The following VPS33B variants were observed in gnomAD, a reference collection of about 807,000 sequenced individuals.
VPS33B encodes the protein VPS33B late endosome and lysosome associated, also known as vacuolar protein sorting-associated protein 33B.
VPS33B carries 80 observed loss-of-function variants against 95.3 expected under a neutral mutation model. The observed-to-expected ratio is 0.84, with a 90% CI of 0.70 to 1.01. VPS33B has a LOEUF of 1.01. Ranked by LOEUF, VPS33B falls within the 50% of genes least tolerant of loss-of-function variation. The pLI is 0.00. For missense variants in VPS33B, 715 were observed against 773.4 expected, an observed-to-expected ratio of 0.92 and a Z score of 0.90; for synonymous variants, 280 against 280.4, an observed-to-expected ratio of 1.00 and a Z score of 0.01.
chr15:91,005,638 G>A lies in VPS33B; in HGVS notation c.1030+56C>T. 1 of 1,606,228 alleles carries A rather than the reference G, an allele frequency of 6.2e-7. No individual in the cohort carries two copies. On this transcript the variant is annotated intron_variant, in intron 13 of 22. Coordinates refer to ENST00000333371, the MANE Select transcript of VPS33B (RefSeq NM_018668.5). This position sits in a 1 kb window ranked among gnomAD's most constrained non-coding sequence, Gnocchi z 6.4. The stretch of plus-strand genomic sequence containing the variant: ...TCCTCGGGAGTAATGGTCCTCTGGA[G>A]CTTTCCCCAGAGGGACACAGTCACT...
In VPS33B at chr15:90,998,901, AGCTGG is replaced by A; in HGVS notation, c.*69_*73del. ...TAGTTGGTGGACACTTGGTTATAGC[AGCTGG>A]GTGCCAGATGCCTGCATCTCACTGA... On this transcript the variant is annotated 3_prime_UTR_variant, in exon 23 of 23. Transcript: ENST00000333371. The surrounding 1 kb of genome is among the most constrained non-coding windows in gnomAD (Gnocchi z 4.8). The A allele has an allele frequency of 6.5e-7, 1 of 1,536,018 alleles. No homozygotes were observed. The highest frequency in any genetic ancestry group is 9.0e-7 in the Non-Finnish European group (1 of 1,116,552).
rs1200713143 is a variant in VPS33B, at chr15:91,010,569, C to T, written c.358-723G>A. On this transcript the variant is annotated intron_variant, in intron 5 of 22. Coordinates refer to ENST00000333371, the MANE Select transcript of VPS33B (RefSeq NM_018668.5). This position sits in a 1 kb window ranked among gnomAD's most constrained non-coding sequence, Gnocchi z 5.7. ...TGAGCTGAGATTGTGCCACTGCACT[C>T]CAGCCTGGGCAACAGAGTGAGGCCC... Among the ~76,000 whole-genome samples the T allele has an allele frequency of 6.6e-6, 1 of 152,100 alleles. No homozygotes were observed. The highest frequency in any genetic ancestry group is 1.5e-5 in the Non-Finnish European group (1 of 68,022).
rs2040400468 is a variant in VPS33B at position 91,000,352 on chromosome 15, G to A, written c.1581+138C>T. 8 of 763,100 alleles carry A rather than the reference G, an allele frequency of 1.0e-5. No individual in the cohort carries two copies. The highest frequency in any genetic ancestry group is 4.8e-5 in the Admixed American group (2 of 41,880). 47.3% of individuals were successfully genotyped at this position (763,100 alleles called of 1,614,324 possible). On this transcript the variant is annotated intron_variant, in intron 20 of 22. Coordinates refer to ENST00000333371, the MANE Select transcript of VPS33B (RefSeq NM_018668.5). The surrounding 1 kb of genome is among the most constrained non-coding windows in gnomAD (Gnocchi z 4.9). ...GTGGAGGTTGCAGTGAGCCAAGATC[G>A]TGCCACCGCACTCCAGCCTGGGTGA...
Position 91,007,671 on chromosome 15 carries a change from C to T in VPS33B, c.499-98G>A, listed in dbSNP as rs2040654780. ...AAGCCCTGGAGCAGGGTGGCAGGGC[C>T]TGGGGGATGCTTGAAAGGTTTTCAT... On this transcript the variant is annotated intron_variant, in intron 7 of 22. Transcript: ENST00000333371. This position sits in a 1 kb window ranked among gnomAD's most constrained non-coding sequence, Gnocchi z 5.3. The T allele has an allele frequency of 1.5e-6, 2 of 1,361,040 alleles. No individual in the cohort carries two copies. Among genetic ancestry groups the T allele is most frequent in the East Asian group, 2.3e-5 (1 of 43,436 alleles). 84.3% of individuals were successfully genotyped at this position (1,361,040 alleles called of 1,614,324 possible).
At position 91,022,236 on chromosome 15, in the gene VPS33B, T is replaced by C. The variant is rs770400835; in HGVS notation, c.14A>G (p.His5Arg). 4 of 1,577,146 alleles carry C rather than the reference T, an allele frequency of 2.5e-6. No individual in the cohort carries two copies. The South Asian group carries it at 4.6e-5, about 18-fold the overall frequency. MAFP[H>R]RPDAPELPDF... ...AGGCAGCTCAGGGGCGTCCGGCCGA[T>C]GGGGAAAAGCCATGGCAGCGGTCAC... Residue 5 changes from histidine to arginine, a missense_variant, in exon 1 of 23, where the codon CAT (histidine) becomes CGT (arginine). Coordinates refer to ENST00000333371, the MANE Select transcript of VPS33B (RefSeq NM_018668.5).
chr15:90,998,715 C>A lies in VPS33B; in HGVS notation c.*260G>T. 1.8e-6 allele frequency: 1 copy of A among 551,462 alleles called. No homozygotes were observed. The allele number at this position is 551,462 out of a possible 1,614,324, so 34.2% of individuals were successfully genotyped here. On this transcript the variant is annotated 3_prime_UTR_variant, in exon 23 of 23. Transcript: ENST00000333371. This position sits in a 1 kb window ranked among gnomAD's most constrained non-coding sequence, Gnocchi z 4.8. Reference sequence around the variant, plus strand: ...GGCTTTATTTACAATGACATTCAAACAGGATTTAGCAAAGGATGCCTCTTC... The same window carrying A: ...GGCTTTATTTACAATGACATTCAAAAAGGATTTAGCAAAGGATGCCTCTTC...
chr15:91,007,648 GC>G lies in VPS33B; in HGVS notation c.499-76del. ...ACCTGGAAAGTGGCTAGCCCTAGAAGCCCTGGAGCAGGGTGGCAGGGCCTGG... is the reference window on the plus strand; with the variant it reads ...ACCTGGAAAGTGGCTAGCCCTAGAAGCCTGGAGCAGGGTGGCAGGGCCTGG... On this transcript the variant is annotated intron_variant, in intron 7 of 22. Transcript: ENST00000333371. This position sits in a 1 kb window ranked among gnomAD's most constrained non-coding sequence, Gnocchi z 5.3. 2 of 1,521,892 alleles carry G rather than the reference GC, an allele frequency of 1.3e-6. No individual in the cohort carries two copies. Among genetic ancestry groups the G allele is most frequent in the South Asian group, 1.1e-5 (1 of 89,126 alleles). 94.3% of individuals were successfully genotyped at this position (1,521,892 alleles called of 1,614,324 possible).
At chr15:91,017,632 C>A (rs909996496) in intron 2 of VPS33B, among the ~76,000 whole-genome samples, 173 bp downstream of exon 2, 2 of 151,122 alleles carry the variant, frequency 1.3e-5, no homozygotes, top group East Asian at 3.9e-4. Flanking sequence ...CGTCTCCCGC[C>A]GCAAAAAAAC....
At position 91,005,094 on chromosome 15, in the gene VPS33B, C is replaced by T; in HGVS notation, c.1131G>A (p.Arg377=). 1 of 1,614,220 alleles carries T rather than the reference C, an allele frequency of 6.2e-7. No homozygotes were observed. Among genetic ancestry groups the T allele is most frequent in the Non-Finnish European group, 8.5e-7 (1 of 1,180,042 alleles). The part of the protein sequence containing the change: ...EHALLEGFNI[R]ESTSYIEEHI... ...GTTCCTCAATGTAGCTGGTGCTCTCCCGGATGTTGAACCCCTCTAGCAGTG... is the reference window on the plus strand; with the variant it reads ...GTTCCTCAATGTAGCTGGTGCTCTCTCGGATGTTGAACCCCTCTAGCAGTG... The change falls in exon 15 of 23, where the codon CGG becomes CGA. Residue 377 remains arginine (R), a synonymous_variant. Coordinates refer to ENST00000333371, the MANE Select transcript of VPS33B (RefSeq NM_018668.5). The surrounding 1 kb of genome is among the most constrained non-coding windows in gnomAD (Gnocchi z 6.4).
chr15:91,014,131 A>G (rs1161115655), intron 4 of VPS33B, among the ~76,000 whole-genome samples: 3 of 151,242 alleles, frequency 2.0e-5, no homozygotes, highest in Non-Finnish European at 4.4e-5. Flanking sequence ...AGGCAAGAGA[A>G]TCGCTTGAAC....
intron 6 of VPS33B, among the ~76,000 whole-genome samples, chr15:91,008,997 A>G (rs1487197980): frequency 2.0e-5 from 3 of 152,158 alleles, no homozygotes; most frequent in Non-Finnish European, 4.4e-5. Context: ...AGGAGGGGCC[A>G]GACTGTGCAA....
chr15:91,019,222 A>G (rs899975632), intron 1 of VPS33B, among the ~76,000 whole-genome samples: 11 of 145,384 alleles, frequency 7.6e-5, no homozygotes, highest in African/African-American at 2.8e-4. Flanking sequence ...GGGTCAAGCA[A>G]TTCTCCTGTC....
Position 91,007,635 on chromosome 15 carries a change from G to T in VPS33B, c.499-62C>A, listed in dbSNP as rs1352632240. On this transcript the variant is annotated intron_variant, in intron 7 of 22. Transcript: ENST00000333371. The surrounding 1 kb of genome is among the most constrained non-coding windows in gnomAD (Gnocchi z 5.3). ...ACCCAGTAGGACCACCTGGAAAGTGGCTAGCCCTAGAAGCCCTGGAGCAGG... is the reference window on the plus strand; with the variant it reads ...ACCCAGTAGGACCACCTGGAAAGTGTCTAGCCCTAGAAGCCCTGGAGCAGG... The T allele has an allele frequency of 2.6e-6, 4 of 1,567,594 alleles. No individual in the cohort carries two copies. Among genetic ancestry groups the T allele is most frequent in the Non-Finnish European group, 3.5e-6 (4 of 1,138,448 alleles).
chr15:91,008,049 G>T, intron 6 of VPS33B, 85 bp from the exon 7 acceptor site: 1 of 1,256,744 alleles, frequency 8.0e-7, no homozygotes. Flanking sequence ...ATATTTGAGT[G>T]CGTGCAACAA....
chr15:91,018,713 C>A lies in VPS33B; in HGVS notation c.97-828G>T, dbSNP rs1187348712. Among the ~76,000 whole-genome samples, 1 of 152,196 alleles carries A rather than the reference C, an allele frequency of 6.6e-6. No homozygotes were observed. Among genetic ancestry groups the A allele is most frequent in the African/African-American group, 2.4e-5 (1 of 41,436 alleles). ...GCCAGGGGTGCTGCTAGACATCCAA[C>A]AATGCACAGGCCAGCCCCCACCACA... On this transcript the variant is annotated intron_variant, in intron 1 of 22. Transcript: ENST00000333371. The surrounding 1 kb of genome is among the most constrained non-coding windows in gnomAD (Gnocchi z 4.7).
chr15:91,004,031 C>T (rs2040521307), intron 16 of VPS33B, among the ~76,000 whole-genome samples: 1 of 151,966 alleles, frequency 6.6e-6, no homozygotes, highest in African/African-American at 2.4e-5. Context: ...CCAGACCAGC[C>T]TGGCCAACAT....
Position 90,999,931 on chromosome 15 carries a change from C to G in VPS33B, c.1626G>C (p.Arg542=). The G allele has an allele frequency of 6.2e-7, 1 of 1,614,180 alleles. No homozygotes were observed. Among genetic ancestry groups the G allele is most frequent in the Non-Finnish European group, 8.5e-7 (1 of 1,180,042 alleles). The change falls in exon 21 of 23, where the codon CGG becomes CGC. Residue 542 remains arginine (R), a synonymous_variant. Transcript: ENST00000333371. The surrounding 1 kb of genome is among the most constrained non-coding windows in gnomAD (Gnocchi z 5.1). ...ATGCAAAGTCACTGCAGTTGAGCAGCCGTACCACCTCATCAAGGCCCTGCC... is the reference window on the plus strand; with the variant it reads ...ATGCAAAGTCACTGCAGTTGAGCAGGCGTACCACCTCATCAAGGCCCTGCC... ...RSWQGLDEVV[R]LLNCSDFAFT...
chr15:91,017,365 T>TAAAAAAAAAAAAAAAAAAAA (rs1272281030), intron 2 of VPS33B, among the ~76,000 whole-genome samples: 2 of 17,004 alleles, frequency 1.2e-4, no homozygotes, highest in Non-Finnish European at 1.7e-4. Context: ...TCTACAAAAT[T>TAAAAAAAAAAAAAAAAAAAA]AAATATATAT....
chr15:91,000,892 A>G lies in VPS33B; in HGVS notation c.1480-301T>C, dbSNP rs1423848330. 1 of 426,226 alleles carries G rather than the reference A, an allele frequency of 2.3e-6. No individual in the cohort carries two copies. Among genetic ancestry groups the G allele is most frequent in the Non-Finnish European group, 4.4e-6 (1 of 228,224 alleles). 26.4% of individuals were successfully genotyped at this position (426,226 alleles called of 1,614,324 possible). A position where few individuals can be genotyped will look rare whatever the true frequency, so the allele number is the denominator to read the frequency against. Reference sequence around the variant, plus strand: ...TGGTTGTCACTGAAGCAGCACTTAGAATATTCTCTGGCATTGGCAGGTGCT... The same window carrying G: ...TGGTTGTCACTGAAGCAGCACTTAGGATATTCTCTGGCATTGGCAGGTGCT... On this transcript the variant is annotated intron_variant, in intron 19 of 22. Coordinates refer to ENST00000333371, the MANE Select transcript of VPS33B (RefSeq NM_018668.5). This position sits in a 1 kb window ranked among gnomAD's most constrained non-coding sequence, Gnocchi z 4.9.
Sources: allele counts gnomAD v4.1 joint callset (sites outside exome capture counted in the v4.1 genomes callset), GRCh38; gene constraint gnomAD v4.1.1; non-coding constraint Gnocchi (gnomAD v3.1); transcripts MANE v1.5; gene names NCBI Gene and HGNC (gene_info 2026-07-23, HGNC 2026-07-21).